Variants in KCNT2 observed in about 807,000 individuals in gnomAD.
The protein encoded by KCNT2 is potassium channel subfamily T member 2.
A neutral mutation model predicts 153.8 loss-of-function variants in KCNT2; 67 were observed. That is an observed-to-expected ratio of 0.44 (90% CI 0.36 to 0.53). KCNT2 has a LOEUF of 0.53. KCNT2 is among the 20% of genes least tolerant of loss of function. KCNT2 has a pLI of 0.00. For missense variants in KCNT2, 975 were observed against 1,354.8 expected (o/e 0.72, Z 4.40); for synonymous variants, 500 against 458.8 (o/e 1.09, Z -1.15).
chr1:196,297,429 A>G (rs912466590), intron 22 of KCNT2, among the ~76,000 whole-genome samples: 7 of 152,142 alleles, frequency 4.6e-5, no homozygotes, highest in African/African-American at 1.4e-4. Context: ...AGCTAATTAC[A>G]CTGAATTTGA....
chr1:196,351,641 C>G (rs986460896), intron 14 of KCNT2, among the ~76,000 whole-genome samples: 1 of 151,898 alleles, frequency 6.6e-6, no homozygotes, highest in Non-Finnish European at 1.5e-5. Flanking sequence ...ACAATCATGT[C>G]GTCTGCAAAC....
chr1:196,386,066 T>A (rs944960517), intron 13 of KCNT2, among the ~76,000 whole-genome samples: 1 of 152,088 alleles, frequency 6.6e-6, no homozygotes, highest in Non-Finnish European at 1.5e-5. Context: ...TGCCACATCA[T>A]GAGGATGCTC....
chr1:196,333,537 A>G lies in KCNT2; in HGVS notation c.1997+310T>C, dbSNP rs192571873. ...TACAATATACTATAAAAACCATACA[A>G]TTATGAAAATGAAGCTTATATCTTG... is the stretch of plus-strand genomic sequence containing the variant. On this transcript the variant is annotated intron_variant, in intron 17 of 27. Transcript: ENST00000294725. Among the ~76,000 whole-genome samples the G allele has an allele frequency of 4.0e-4, 61 of 152,242 alleles. No individual in the cohort carries two copies. In the Middle Eastern group the frequency reaches 0.017, roughly 43 times the overall value.
intron 1 of KCNT2, among the ~76,000 whole-genome samples, chr1:196,586,365 T>C (rs1170910840): frequency 2.0e-5 from 3 of 152,162 alleles, no homozygotes; most frequent in Non-Finnish European, 4.4e-5. Context: ...TTGTTTTATT[T>C]AAAAATCTCA....
At chr1:196,393,151 A>T (rs1273989693) in intron 13 of KCNT2, among the ~76,000 whole-genome samples, 1 of 151,482 alleles carries the variant, frequency 6.6e-6, no homozygotes, top group Admixed American at 6.6e-5. Flanking sequence ...TGGAAAGTAG[A>T]TAATTCACAC....
At chr1:196,585,958 A>G (rs2148988798) in intron 1 of KCNT2, among the ~76,000 whole-genome samples, 1 of 152,226 alleles carries the variant, frequency 6.6e-6, no homozygotes, top group East Asian at 1.9e-4. Flanking sequence ...ACTCTTAATT[A>G]TATAATTAGC....
chr1:196,403,022 C>T (rs1671549509), intron 12 of KCNT2, among the ~76,000 whole-genome samples: 2 of 151,592 alleles, frequency 1.3e-5, no homozygotes, highest in African/African-American at 4.8e-5. Context: ...TCTTACAAAA[C>T]TAAGTATACC....
chr1:196,437,037 TC>T (rs373056310), intron 8 of KCNT2, among the ~76,000 whole-genome samples: 1 of 8,346 alleles, frequency 1.2e-4, no homozygotes, highest in Non-Finnish European at 2.8e-4. Context: ...TAAATATATA[TC>T]ATATATAAAT....
At chr1:196,433,876 G>A (rs778855593) in intron 8 of KCNT2, among the ~76,000 whole-genome samples, 1 of 152,032 alleles carries the variant, frequency 6.6e-6, no homozygotes, top group African/African-American at 2.4e-5. Flanking sequence ...AGGTACACAG[G>A]TAGAGGTATC....
intron 2 of KCNT2, 53 bp from the exon 3 acceptor site, chr1:196,489,990 A>G (rs1173503695): frequency 5.1e-6 from 4 of 791,554 alleles, no homozygotes; most frequent in East Asian, 5.7e-5. Context: ...TTCACAAAAG[A>G]CTAAAAAGAA....
chr1:196,315,178 T>C (rs1558134388), intron 21 of KCNT2, among the ~76,000 whole-genome samples: 1 of 151,722 alleles, frequency 6.6e-6, no homozygotes. Flanking sequence ...TCACGTATTT[T>C]CTTCAGGCTT....
intron 16 of KCNT2, among the ~76,000 whole-genome samples, chr1:196,338,491 G>T (rs1217296107): frequency 6.6e-6 from 1 of 152,026 alleles, no homozygotes; most frequent in Non-Finnish European, 1.5e-5. Flanking sequence ...ACAATCCTAA[G>T]AAACTGGAAC....
At chr1:196,588,668 A>G (rs1459940906) in intron 1 of KCNT2, among the ~76,000 whole-genome samples, 5 of 152,018 alleles carry the variant, frequency 3.3e-5, no homozygotes, top group Non-Finnish European at 1.5e-5. Context: ...AAAAGGATTA[A>G]CATAGTGTTT....
chr1:196,273,359 T>C (rs1658248038), intron 25 of KCNT2: 1 of 700,390 alleles, frequency 1.4e-6, no homozygotes, highest in Admixed American at 2.7e-5. Context: ...ATTTATTTCA[T>C]TTTAATGTCT....
At chr1:196,584,404 T>G (rs759401684) in intron 1 of KCNT2, among the ~76,000 whole-genome samples, 37 of 152,106 alleles carry the variant, frequency 2.4e-4, no homozygotes, top group Non-Finnish European at 2.1e-4. Flanking sequence ...GAGCAGCTTT[T>G]ATTAAAAAGA....
intron 14 of KCNT2, among the ~76,000 whole-genome samples, chr1:196,350,735 T>A (rs1334606752): frequency 6.6e-6 from 1 of 152,238 alleles, no homozygotes; most frequent in African/African-American, 2.4e-5. Flanking sequence ...ATTTTGACTT[T>A]TGTTGCCACT....
chr1:196,424,362 T>G (rs930031986), intron 11 of KCNT2, among the ~76,000 whole-genome samples: 4 of 151,946 alleles, frequency 2.6e-5, no homozygotes, highest in Admixed American at 2.0e-4. Context: ...TGTGAAGAAC[T>G]TAACTATCAT....
At chr1:196,400,993 A>T (rs1361615117) in intron 12 of KCNT2, among the ~76,000 whole-genome samples, 1 of 151,814 alleles carries the variant, frequency 6.6e-6, no homozygotes, top group Admixed American at 6.6e-5. Context: ...CAACAAGCGA[A>T]TGGAGCCTGG....
Position 196,400,191 on chromosome 1 carries a change from T to G in KCNT2, c.1186-1520A>C, listed in dbSNP as rs1470796324. ...TTAATCAATTTTACATGCTTTTAAA[T>G]CTGAGGTTTGAGGGTTATAGATAAC... is the stretch of plus-strand genomic sequence containing the variant. On this transcript the variant is annotated intron_variant, in intron 12 of 27. Transcript: ENST00000294725. Among the ~76,000 whole-genome samples, 3 of 151,728 alleles carry G rather than the reference T, an allele frequency of 2.0e-5. No homozygotes were observed. In the East Asian group the frequency reaches 5.8e-4, roughly 29 times the overall value.
Sources: allele counts gnomAD v4.1 joint callset (sites outside exome capture counted in the v4.1 genomes callset), GRCh38; gene constraint gnomAD v4.1.1; transcripts MANE v1.5; gene names NCBI Gene and HGNC (gene_info 2026-07-23, HGNC 2026-07-21).